The following LPAR3 variants were observed in gnomAD, a reference collection of about 807,000 sequenced individuals.
LPAR3 encodes lysophosphatidic acid receptor 3, also known as LPA receptor 3.
Under a neutral mutation model 17.8 loss-of-function variants are expected in LPAR3, and 7 were observed. The observed-to-expected ratio is 0.39, with a 90% CI of 0.22 to 0.74. The LOEUF (loss-of-function observed/expected upper bound fraction) is 0.74, where lower values mean the gene tolerates loss of function less well. LPAR3 is among the 30% of genes least tolerant of loss of function. The probability of loss-of-function intolerance (pLI) is 0.40; values close to 1 mark genes in which losing one functional copy is unlikely to be tolerated. For missense variants in LPAR3, 391 were observed against 453.4 expected (o/e 0.86, Z 1.25); for synonymous variants, 179 against 179.9 (o/e 0.99, Z 0.04).
At chr1:84,834,829 T>A (rs1012529367) in intron 2 of LPAR3, among the ~76,000 whole-genome samples, 3 of 152,164 alleles carry the variant, frequency 2.0e-5, no homozygotes, top group African/African-American at 7.2e-5. Context: ...ATCCCCTAAA[T>A]GGCACTACAC....
chr1:84,849,761 G>A (rs115589156), intron 2 of LPAR3, among the ~76,000 whole-genome samples: 170 of 152,268 alleles, frequency 1.1e-3, no homozygotes, highest in Non-Finnish European at 2.1e-3. Flanking sequence ...AAGACAAAGA[G>A]GCCTCAACGA....
rs531317582 is a variant in LPAR3, at chr1:84,824,304, A to G, written c.737-10133T>C. Among the ~76,000 whole-genome samples, 9 of 152,288 alleles carry G rather than the reference A, an allele frequency of 5.9e-5. No homozygotes were observed. In the South Asian group the frequency reaches 1.9e-3, roughly 32 times the overall value. The stretch of plus-strand genomic sequence containing the variant: ...GCCTGGAAGAACTATAGCATGGTAC[A>G]GTTCAGGAATGACATGGTCCTGACA... On this transcript the variant is annotated intron_variant, in intron 2 of 2. Transcript: ENST00000370611.
intron 2 of LPAR3, among the ~76,000 whole-genome samples, chr1:84,824,501 A>G (rs546976232): frequency 1.3e-5 from 2 of 152,286 alleles, no homozygotes; most frequent in South Asian, 4.1e-4. Flanking sequence ...TAGTAAAATG[A>G]GCATAGGCTT....
chr1:84,849,439 G>T (rs1659660279), intron 2 of LPAR3, among the ~76,000 whole-genome samples: 1 of 151,554 alleles, frequency 6.6e-6, no homozygotes, highest in Non-Finnish European at 1.5e-5. Context: ...CTATTTATAG[G>T]ATTCTGAGGC....
At chr1:84,842,387 A>G (rs1245154591) in intron 2 of LPAR3, among the ~76,000 whole-genome samples, 1 of 152,246 alleles carries the variant, frequency 6.6e-6, no homozygotes, top group African/African-American at 2.4e-5. Context: ...GTCAAAAGCC[A>G]AAAGGTTTCC....
intron 1 of LPAR3, among the ~76,000 whole-genome samples, chr1:84,892,494 T>C (rs1360625707): frequency 6.6e-6 from 1 of 152,176 alleles, no homozygotes; most frequent in Non-Finnish European, 1.5e-5. Flanking sequence ...CCCGACAGTG[T>C]TGCTAGTTAC....
At chr1:84,866,724 A>G (rs1289009286) in intron 1 of LPAR3, among the ~76,000 whole-genome samples, 1 of 152,188 alleles carries the variant, frequency 6.6e-6, no homozygotes, top group Admixed American at 6.5e-5. Context: ...CCAGTTTTCT[A>G]TGACTTCTGA....
intron 1 of LPAR3, among the ~76,000 whole-genome samples, chr1:84,880,875 C>A (rs796877899): frequency 6.6e-6 from 1 of 152,190 alleles, no homozygotes; most frequent in Admixed American, 6.5e-5. Flanking sequence ...AAAGTCAAGG[C>A]TTCTGGGAGG....
chr1:84,819,042 C>T (rs1351185116), intron 2 of LPAR3, among the ~76,000 whole-genome samples: 2 of 152,058 alleles, frequency 1.3e-5, no homozygotes, highest in South Asian at 2.1e-4. Flanking sequence ...TATTAAATCT[C>T]GACTTACATG....
chr1:84,815,129 C>G (rs1658907647), intron 2 of LPAR3, among the ~76,000 whole-genome samples: 2 of 152,000 alleles, frequency 1.3e-5, no homozygotes, highest in Admixed American at 1.3e-4. Flanking sequence ...TATTATTATC[C>G]CCAGGAAACC....
intron 2 of LPAR3, among the ~76,000 whole-genome samples, chr1:84,852,054 T>G (rs1213619112): frequency 1.6e-5 from 2 of 125,714 alleles, no homozygotes; most frequent in East Asian, 4.9e-4. Flanking sequence ...GTGACTAATT[T>G]TTTTTTTTTT....
intron 2 of LPAR3, among the ~76,000 whole-genome samples, chr1:84,848,054 T>A (rs1192634365): frequency 6.6e-6 from 1 of 152,182 alleles, no homozygotes; most frequent in African/African-American, 2.4e-5. Context: ...TAACACCACG[T>A]TGAACAGCAG....
intron 2 of LPAR3, among the ~76,000 whole-genome samples, chr1:84,834,439 A>G (rs916324184): frequency 3.9e-5 from 6 of 152,230 alleles, no homozygotes; most frequent in African/African-American, 1.4e-4. Context: ...ATAGATGAGC[A>G]GAAGTGATGT....
At chr1:84,877,535 T>A (rs1392184410) in intron 1 of LPAR3, among the ~76,000 whole-genome samples, 2 of 152,218 alleles carry the variant, frequency 1.3e-5, no homozygotes, top group African/African-American at 4.8e-5. Flanking sequence ...CATCTCACTG[T>A]AGCATTCTTA....
At chr1:84,873,203 A>T (rs186993932) in intron 1 of LPAR3, among the ~76,000 whole-genome samples, 1 of 152,310 alleles carries the variant, frequency 6.6e-6, no homozygotes, top group East Asian at 1.9e-4. Context: ...TAAACAAAGT[A>T]CAGATTTTAG....
intron 1 of LPAR3, among the ~76,000 whole-genome samples, chr1:84,892,559 A>G (rs1660572500): frequency 6.6e-6 from 1 of 152,266 alleles, no homozygotes; most frequent in South Asian, 2.1e-4. Context: ...CCCAGCGGAC[A>G]CAGCACAGTA....
intron 2 of LPAR3, among the ~76,000 whole-genome samples, chr1:84,847,671 T>C (rs1052993119): frequency 6.6e-6 from 1 of 152,210 alleles, no homozygotes; most frequent in African/African-American, 2.4e-5. Flanking sequence ...CAGGGTAGCC[T>C]GAATGGTACT....
chr1:84,883,245 A>C (rs1660396611), intron 1 of LPAR3, among the ~76,000 whole-genome samples: 1 of 152,200 alleles, frequency 6.6e-6, no homozygotes, highest in South Asian at 2.1e-4. Flanking sequence ...AAGGCTGGGG[A>C]AAAGGGACCC....
intron 2 of LPAR3, among the ~76,000 whole-genome samples, chr1:84,839,501 T>C (rs1021547300): frequency 1.3e-5 from 2 of 152,080 alleles, no homozygotes; most frequent in Admixed American, 6.6e-5. Flanking sequence ...TAATGAGACC[T>C]GTCTCTGCAA....
Sources: allele counts gnomAD v4.1 joint callset (sites outside exome capture counted in the v4.1 genomes callset), GRCh38; gene constraint gnomAD v4.1.1; transcripts MANE v1.5; gene names NCBI Gene and HGNC (gene_info 2026-07-23, HGNC 2026-07-21).